Variants in ARFGEF1 observed in about 807,000 individuals in gnomAD.
ARFGEF1 encodes ARF guanine nucleotide exchange factor 1.
In ARFGEF1, 42 loss-of-function variants were observed where a neutral mutation model predicts 231.0. The ratio of observed to expected loss-of-function variants is 0.18; its 90% CI spans 0.14 to 0.24. The LOEUF (loss-of-function observed/expected upper bound fraction) is 0.24, where lower values mean the gene tolerates loss of function less well. ARFGEF1 is among the 10% of genes least tolerant of loss of function. The pLI, the probability that ARFGEF1 is intolerant of heterozygous loss-of-function variation, is 1.00. For missense variants in ARFGEF1, 1,345 were observed against 2,192.0 expected, an observed-to-expected ratio of 0.61 and a Z score of 7.72; for synonymous variants, 710 against 732.3, an observed-to-expected ratio of 0.97 and a Z score of 0.49.
At chr8:67,216,531 T>C in intron 33 of ARFGEF1, 59 bp downstream of exon 33, 1 of 1,433,494 alleles carries the variant, frequency 7.0e-7, no homozygotes, top group Non-Finnish European at 9.5e-7. Flanking sequence ...ATTTGACCCA[T>C]AATAAAATTA....
At chr8:67,284,040 T>C (rs1805646904) in intron 7 of ARFGEF1, among the ~76,000 whole-genome samples, 1 of 152,184 alleles carries the variant, frequency 6.6e-6, no homozygotes, top group African/African-American at 2.4e-5. Flanking sequence ...AGTTATTCAC[T>C]GCAGCATTAT....
At chr8:67,322,851 A>C (rs1018926968) in intron 1 of ARFGEF1, among the ~76,000 whole-genome samples, 7 of 152,224 alleles carry the variant, frequency 4.6e-5, no homozygotes, top group Non-Finnish European at 1.0e-4. Context: ...TTATGTATTT[A>C]TCTCCTTCAA....
At chr8:67,324,935 CAG>C (rs1158221855) in intron 1 of ARFGEF1, among the ~76,000 whole-genome samples, 4 of 143,116 alleles carry the variant, frequency 2.8e-5, no homozygotes, top group Admixed American at 7.0e-5. Context: ...TTTTTTGAGA[CAG>C]AGTTTCACTC....
At chr8:67,257,010 A>G (rs924408858) in intron 17 of ARFGEF1, among the ~76,000 whole-genome samples, 1 of 152,206 alleles carries the variant, frequency 6.6e-6, no homozygotes, top group Non-Finnish European at 1.5e-5. Context: ...CCATAAGTTG[A>G]TAACTGTGGA....
At chr8:67,299,394 A>T in intron 3 of ARFGEF1, 39 bp from the exon 4 acceptor site, 1 of 1,561,716 alleles carries the variant, frequency 6.4e-7, no homozygotes, top group Non-Finnish European at 8.7e-7. Context: ...TAAGTAAGGT[A>T]ACAAATATTA....
intron 5 of ARFGEF1, among the ~76,000 whole-genome samples, chr8:67,188,315 G>A (rs990969291): frequency 7.9e-5 from 12 of 152,180 alleles, no homozygotes; most frequent in Non-Finnish European, 1.8e-4. Context: ...GGCCGACTAA[G>A]AATTCCTAAG....
chr8:67,226,269 A>G, intron 27 of ARFGEF1, 86 bp from the exon 28 acceptor site: 2 of 1,194,900 alleles, frequency 1.7e-6, no homozygotes, highest in Non-Finnish European at 2.2e-6. Flanking sequence ...GATGTAATGC[A>G]CTTCCTCTTA....
chr8:67,224,723 T>G (rs1839313810), intron 29 of ARFGEF1, among the ~76,000 whole-genome samples, 180 bp downstream of exon 29: 1 of 152,212 alleles, frequency 6.6e-6, no homozygotes, highest in Non-Finnish European at 1.5e-5. Flanking sequence ...ATTTTTATTT[T>G]GCTCTAGTTA....
At chr8:67,327,193 G>A (rs1298643306) in intron 1 of ARFGEF1, among the ~76,000 whole-genome samples, 6 of 152,008 alleles carry the variant, frequency 3.9e-5, no homozygotes, top group Non-Finnish European at 8.8e-5. Context: ...ATACTTGTGT[G>A]TATGTTTTCT....
intron 10 of ARFGEF1, among the ~76,000 whole-genome samples, chr8:67,269,289 A>C (rs1438854472): frequency 1.3e-5 from 2 of 152,148 alleles, no homozygotes; most frequent in Non-Finnish European, 2.9e-5. Flanking sequence ...TTCATGTAAA[A>C]ACAATCTTAA....
chr8:67,339,193 A>G (rs1808485102), intron 1 of ARFGEF1, among the ~76,000 whole-genome samples: 1 of 152,178 alleles, frequency 6.6e-6, no homozygotes, highest in African/African-American at 2.4e-5. Flanking sequence ...ACCCTGTCTG[A>G]TGCAAAAATT....
intron 14 of ARFGEF1, among the ~76,000 whole-genome samples, chr8:67,262,409 C>T (rs1316920662): frequency 6.6e-6 from 1 of 152,166 alleles, no homozygotes; most frequent in Non-Finnish European, 1.5e-5. Context: ...ACAGTGGTTT[C>T]TTGAAATGCA....
In ARFGEF1 at chr8:67,266,155, T is replaced by C. The variant is rs1426986766; in HGVS notation, c.1974A>G (p.Thr658=). ...AATTTAAACTTCCGTATCTGTTTAT[T>C]GTCTCAGGGTGTTTGATTTCACTCA... ...QEMSEIKHPE[T]INRYGSLNSL... is the part of the protein sequence containing the mutation. The change falls in exon 14 of 39, where the codon ACA becomes ACG. Residue 658 remains threonine, a synonymous_variant. Transcript: ENST00000262215. 8 of 1,613,740 alleles carry C rather than the reference T, an allele frequency of 5.0e-6. No homozygotes were observed. Among genetic ancestry groups the C allele is most frequent in the Non-Finnish European group, 6.8e-6 (8 of 1,179,870 alleles).
At chr8:67,295,044 A>AACAAAAT (rs1806169495) in intron 5 of ARFGEF1, among the ~76,000 whole-genome samples, 1 of 152,182 alleles carries the variant, frequency 6.6e-6, no homozygotes, top group Admixed American at 6.6e-5. Flanking sequence ...TAATTTGGGC[A>AACAAAAT]ACAAAATAAG....
rs1277810812 is a variant in ARFGEF1, at chr8:67,310,483, A to G, written c.125-8017T>C. On this transcript the variant is annotated intron_variant, in intron 1 of 38. Transcript: ENST00000262215. ...TCCCAGCCGCCTGCCTTGGCCTCCC[A>G]AAGTGCCGAGATTGGAGCCTCTGCC... Among the ~76,000 whole-genome samples, 5 of 152,232 alleles carry G rather than the reference A, an allele frequency of 3.3e-5. No individual in the cohort carries two copies. In the South Asian group the frequency reaches 1.0e-3, roughly 32 times the overall value.
At chr8:67,275,878 T>C (rs1354376799) in intron 9 of ARFGEF1, 98 bp downstream of exon 9, 6 of 1,481,170 alleles carry the variant, frequency 4.1e-6, no homozygotes, top group South Asian at 1.3e-5. Flanking sequence ...TATGGTTCTA[T>C]AGGACAAAAA....
chr8:67,274,178 T>C (rs1395419479), intron 9 of ARFGEF1, among the ~76,000 whole-genome samples: 3 of 152,120 alleles, frequency 2.0e-5, no homozygotes, highest in Non-Finnish European at 2.9e-5. Flanking sequence ...ATTTCAGGTC[T>C]GCAGTTTTTC....
rs1432267611 is a variant in ARFGEF1, at chr8:67,271,762, A to G, written c.1512T>C (p.Ser504=). The change falls in exon 10 of 39, where the codon TCT becomes TCC. Residue 504 remains serine, a synonymous_variant. Coordinates refer to ENST00000262215, the MANE Select transcript of ARFGEF1 (RefSeq NM_006421.5). ...ACAACAAAGTAAGAAATATAGAAAG[A>G]GAAAGCTCAAAAACCTCTGGAACAG... ...VSSVPEVFEL[S]LSIFLTLLSN... 1 of 1,613,834 alleles carries G rather than the reference A, an allele frequency of 6.2e-7. No individual in the cohort carries two copies. The highest frequency in any genetic ancestry group is 1.7e-5 in the Admixed American group (1 of 60,024).
intron 7 of ARFGEF1, among the ~76,000 whole-genome samples, chr8:67,278,714 C>T (rs541328105): frequency 2.6e-5 from 4 of 151,984 alleles, no homozygotes; most frequent in South Asian, 2.1e-4. Context: ...GGCACGGTGG[C>T]GGGTGCCTAT....
Sources: allele counts gnomAD v4.1 joint callset (sites outside exome capture counted in the v4.1 genomes callset), GRCh38; gene constraint gnomAD v4.1.1; transcripts MANE v1.5; gene names NCBI Gene and HGNC (gene_info 2026-07-23, HGNC 2026-07-21).